The following DPP10 variants were observed in gnomAD, a reference collection of about 807,000 sequenced individuals.
The protein encoded by DPP10 is dipeptidyl peptidase like 10, also known as inactive dipeptidyl peptidase 10.
Under a neutral mutation model 120.9 loss-of-function variants are expected in DPP10, and 33 were observed. The ratio of observed to expected loss-of-function variants is 0.27; its 90% CI spans 0.21 to 0.37. The LOEUF (loss-of-function observed/expected upper bound fraction) is 0.37, where lower values mean the gene tolerates loss of function less well. Ranked by LOEUF, DPP10 falls within the 10% of genes least tolerant of loss-of-function variation. DPP10 has a pLI of 1.00. For synonymous variants in DPP10, 337 were observed against 326.1 expected, an observed-to-expected ratio of 1.03 and a Z score of -0.36; for missense variants, 816 against 942.8, an observed-to-expected ratio of 0.87 and a Z score of 1.76.
At chr2:115,441,399 A>G (rs928030055) in intron 3 of DPP10, among the ~76,000 whole-genome samples, 12 of 152,116 alleles carry the variant, frequency 7.9e-5, no homozygotes, top group African/African-American at 2.9e-4. Context: ...TGTTATGTGA[A>G]GTTGTGGGGG....
At chr2:115,415,385 T>C (rs1403859070) in intron 3 of DPP10, among the ~76,000 whole-genome samples, 1 of 152,178 alleles carries the variant, frequency 6.6e-6, no homozygotes, top group Non-Finnish European at 1.5e-5. Flanking sequence ...CTATCACAAG[T>C]ATGCATTCAT....
At chr2:114,744,328 T>C (rs1255676533) in intron 1 of DPP10, among the ~76,000 whole-genome samples, 2 of 152,190 alleles carry the variant, frequency 1.3e-5, no homozygotes, top group Non-Finnish European at 2.9e-5. Flanking sequence ...CTAAGGAGAC[T>C]ATTGGAAGTG....
At chr2:115,579,861 AG>A (rs958403582) in intron 5 of DPP10, 2 of 152,158 alleles carry the variant, frequency 1.3e-5, no homozygotes, top group Admixed American at 6.5e-5. Flanking sequence ...CAGGAAGTGC[AG>A]GTTCATTACA....
intron 1 of DPP10, among the ~76,000 whole-genome samples, chr2:114,445,936 C>T (rs1488351488): frequency 6.6e-6 from 1 of 152,252 alleles, no homozygotes; most frequent in East Asian, 1.9e-4. Flanking sequence ...ACTCTGAAAA[C>T]TTTCCTCCAT....
chr2:115,752,560 A>C (rs1481503251), intron 10 of DPP10, among the ~76,000 whole-genome samples: 2 of 152,200 alleles, frequency 1.3e-5, no homozygotes, highest in African/African-American at 4.8e-5. Flanking sequence ...GGAAAAAATT[A>C]TGTATTAAAA....
intron 1 of DPP10, among the ~76,000 whole-genome samples, chr2:114,802,556 C>T (rs1283924812): frequency 6.6e-6 from 1 of 152,088 alleles, no homozygotes; most frequent in Non-Finnish European, 1.5e-5. Flanking sequence ...ACGAAATAAC[C>T]GAGGTTGGTT....
chr2:115,403,913 T>C (rs2068307987), intron 3 of DPP10, among the ~76,000 whole-genome samples: 1 of 152,168 alleles, frequency 6.6e-6, no homozygotes, highest in South Asian at 2.1e-4. Context: ...CATTCAAAAT[T>C]AATGTGCAAA....
In DPP10 at chr2:115,691,356, T is replaced by C. The variant is rs182844089; in HGVS notation, c.576+1435T>C. ...ATTTTTCAAGTGGGCCTTCCATGTA[T>C]AGGTTCTTGATCCATCCATCTGAAA... On this transcript the variant is annotated intron_variant, in intron 7 of 25. Transcript: ENST00000410059. Among the ~76,000 whole-genome samples, 70 of 152,314 alleles carry C rather than the reference T, an allele frequency of 4.6e-4. 1 individual carries two copies. The highest frequency in any genetic ancestry group is 1.0e-4 in the Non-Finnish European group (7 of 68,010).
intron 1 of DPP10, among the ~76,000 whole-genome samples, chr2:115,225,846 C>G (rs769563042): frequency 1.8e-4 from 27 of 151,270 alleles, no homozygotes; most frequent in Non-Finnish European, 2.9e-4. Flanking sequence ...TTGTATATGG[C>G]AAAGGGTAGA....
intron 3 of DPP10, among the ~76,000 whole-genome samples, chr2:115,384,842 A>T (rs182397487): frequency 1.0e-3 from 153 of 152,226 alleles, no homozygotes; most frequent in African/African-American, 3.5e-3. Flanking sequence ...TCTCCACCCA[A>T]ATCTCATCTT....
intron 1 of DPP10, among the ~76,000 whole-genome samples, chr2:114,496,418 C>T (rs1423336864): frequency 6.6e-6 from 1 of 152,082 alleles, no homozygotes. Context: ...TTATTTCTTA[C>T]AGTTCTGAAG....
At chr2:114,741,677 C>T (rs1678078354) in intron 1 of DPP10, among the ~76,000 whole-genome samples, 2 of 152,026 alleles carry the variant, frequency 1.3e-5, no homozygotes, top group South Asian at 4.1e-4. Flanking sequence ...AGTCTCTAAT[C>T]CAATGTGATT....
chr2:115,435,059 T>C (rs2071366006), intron 3 of DPP10, among the ~76,000 whole-genome samples: 3 of 147,548 alleles, frequency 2.0e-5, no homozygotes, highest in African/African-American at 5.2e-5. Flanking sequence ...CACATATATA[T>C]ATATATATAT....
chr2:115,669,055 G>A lies in DPP10; in HGVS notation c.442-20632G>A, dbSNP rs2089674807. Among the ~76,000 whole-genome samples the A allele has an allele frequency of 2.0e-5, 3 of 152,128 alleles. No homozygotes were observed. In the South Asian group the frequency reaches 6.2e-4, roughly 32 times the overall value. On this transcript the variant is annotated intron_variant, in intron 5 of 25. Transcript: ENST00000410059. ...GCTGCTATTTTGCAAGTGGTATAAA[G>A]CTTTTGTTCTACAGTAAATATAGAA...
chr2:115,015,380 C>T (rs1331716941), intron 1 of DPP10, among the ~76,000 whole-genome samples: 1 of 152,068 alleles, frequency 6.6e-6, no homozygotes, highest in Admixed American at 6.5e-5. Flanking sequence ...TATGACAAAC[C>T]CACAGCCTAT....
At chr2:114,932,350 TATGA>T (rs1696138481) in intron 1 of DPP10, among the ~76,000 whole-genome samples, 1 of 152,252 alleles carries the variant, frequency 6.6e-6, no homozygotes, top group African/African-American at 2.4e-5. Context: ...CACTAAAATA[TATGA>T]ATGGAGTTTT....
At chr2:115,598,895 GTATT>G (rs1306630765) in intron 5 of DPP10, among the ~76,000 whole-genome samples, 7 of 148,212 alleles carry the variant, frequency 4.7e-5, no homozygotes, top group East Asian at 4.0e-4. Flanking sequence ...ATTTAAATAT[GTATT>G]TATTCGATAT....
chr2:115,630,089 G>A (rs1402580079), intron 5 of DPP10, among the ~76,000 whole-genome samples: 1 of 152,046 alleles, frequency 6.6e-6, no homozygotes, highest in Non-Finnish European at 1.5e-5. Context: ...CTTGAGCCAT[G>A]GTTTGTAGTT....
chr2:115,042,667 A>G (rs906239380), intron 1 of DPP10, among the ~76,000 whole-genome samples: 4 of 152,234 alleles, frequency 2.6e-5, no homozygotes, highest in Non-Finnish European at 5.9e-5. Flanking sequence ...CAGGAAGGCA[A>G]GAGATAGAGA....
Sources: gnomAD v4.1 joint callset for allele counts (sites outside exome capture counted in the v4.1 genomes callset) on GRCh38, gnomAD v4.1.1 for gene constraint, MANE v1.5 for transcripts, NCBI Gene and HGNC (gene_info 2026-07-23, HGNC 2026-07-21) for gene names.